Variants in RRAS2 observed in about 807,000 individuals in gnomAD.
The protein encoded by RRAS2 is ras-related protein R-Ras2.
Under a neutral mutation model 27.6 loss-of-function variants are expected in RRAS2, and 7 were observed. The observed-to-expected ratio is 0.25, with a 90% CI of 0.14 to 0.48. The LOEUF (loss-of-function observed/expected upper bound fraction) is 0.48. Among genes scored for constraint, RRAS2 ranks in the 20% least tolerant of loss-of-function variants. RRAS2 has a pLI of 0.99. For missense variants in RRAS2, 178 were observed against 256.2 expected (o/e 0.69, Z 2.08); for synonymous variants, 86 against 90.9 (o/e 0.95, Z 0.31).
At chr11:14,361,295 CA>C (rs879982384), upstream of RRAS2, among the ~76,000 whole-genome samples, 85 of 122,438 alleles carry the variant, frequency 6.9e-4, no homozygotes, top group South Asian at 5.4e-4. Context: ...AGAGCCGTCT[CA>C]AAAAAAAAAA....
intron 1 of RRAS2, among the ~76,000 whole-genome samples, chr11:14,342,463 A>G (rs1279574627): frequency 6.6e-6 from 1 of 152,238 alleles, no homozygotes; most frequent in African/African-American, 2.4e-5. Context: ...TGAAATAGTC[A>G]TAATTACTTC....
chr11:14,334,699 T>TA (rs781802472), intron 1 of RRAS2, among the ~76,000 whole-genome samples: 2,061 of 146,806 alleles, frequency 0.014, 40 homozygotes, highest in African/African-American at 0.046. Flanking sequence ...TAGCGAGTGT[T>TA]AAAAAAAAAA....
chr11:14,346,695 T>C (rs1429949772), intron 1 of RRAS2, among the ~76,000 whole-genome samples: 4 of 152,222 alleles, frequency 2.6e-5, no homozygotes, highest in Non-Finnish European at 5.9e-5. Context: ...TAACAATATA[T>C]TGTACTCTTG....
At chr11:14,340,158 G>A (rs556737203) in intron 1 of RRAS2, among the ~76,000 whole-genome samples, 60 of 137,554 alleles carry the variant, frequency 4.4e-4, no homozygotes, top group Admixed American at 8.5e-4. Flanking sequence ...GAGTGTAGTG[G>A]CGCGACCTCG....
intron 1 of RRAS2, among the ~76,000 whole-genome samples, chr11:14,298,048 T>C (rs1554946916): frequency 2.0e-5 from 3 of 150,464 alleles, no homozygotes; most frequent in African/African-American, 7.3e-5. Context: ...TTGGCACCCA[T>C]GCCACTTCAA....
intron 1 of RRAS2, among the ~76,000 whole-genome samples, chr11:14,315,391 T>C (rs1554949383): frequency 6.6e-6 from 1 of 152,216 alleles, no homozygotes; most frequent in Non-Finnish European, 1.5e-5. Context: ...AGACACATTC[T>C]AATAGAGGGG....
rs1031934481 is a variant in RRAS2 at position 14,348,202 on chromosome 11, A to C, written c.108+10561T>G. Among the ~76,000 whole-genome samples the C allele has an allele frequency of 3.3e-5, 5 of 152,334 alleles. No individual in the cohort carries two copies. In the South Asian group the frequency reaches 8.3e-4, roughly 25 times the overall value. ...TCTCATTAGCATAACAAAGTAAAACAAACTCTGCTCATTATTATTATGTAG... is the reference window on the plus strand; with the variant it reads ...TCTCATTAGCATAACAAAGTAAAACCAACTCTGCTCATTATTATTATGTAG... On this transcript the variant is annotated intron_variant, in intron 1 of 5. Coordinates refer to ENST00000256196, the MANE Select transcript of RRAS2 (RefSeq NM_012250.6).
chr11:14,364,364 C>A (rs1554956476), intron 1 of RRAS2: 1 of 1,535,790 alleles, frequency 6.5e-7, no homozygotes, highest in Admixed American at 2.0e-5. Context: ...AAGGCCAAGC[C>A]CCCAGATCAG....
At chr11:14,300,691 A>G (rs1847675733) in intron 1 of RRAS2, among the ~76,000 whole-genome samples, 1 of 152,228 alleles carries the variant, frequency 6.6e-6, no homozygotes, top group South Asian at 2.1e-4. Flanking sequence ...ACATGCCACT[A>G]GATTGCATAA....
intron 1 of RRAS2, among the ~76,000 whole-genome samples, chr11:14,325,215 T>A (rs782590962): frequency 6.6e-6 from 1 of 152,174 alleles, no homozygotes; most frequent in Non-Finnish European, 1.5e-5. Context: ...ATTGGAGAAG[T>A]TACTTGAATT....
intron 1 of RRAS2, among the ~76,000 whole-genome samples, chr11:14,309,992 C>T (rs1847923264): frequency 6.6e-6 from 1 of 152,082 alleles, no homozygotes; most frequent in African/African-American, 2.4e-5. Flanking sequence ...TACAATAAAT[C>T]ATGAAAAGAA....
intron 1 of RRAS2, among the ~76,000 whole-genome samples, chr11:14,311,610 G>A (rs1184195229): frequency 5.9e-5 from 9 of 151,420 alleles, no homozygotes; most frequent in Non-Finnish European, 8.8e-5. Flanking sequence ...CGGGTGATCC[G>A]CCCACCTCAG....
chr11:14,297,588 C>T (rs546219390), intron 1 of RRAS2, among the ~76,000 whole-genome samples: 4 of 152,096 alleles, frequency 2.6e-5, no homozygotes, highest in East Asian at 3.9e-4. Flanking sequence ...AAGGTGAGAC[C>T]GCATCTCCAC....
intron 1 of RRAS2, among the ~76,000 whole-genome samples, chr11:14,351,297 T>A (rs1382217174): frequency 2.0e-5 from 3 of 152,230 alleles, no homozygotes; most frequent in African/African-American, 7.2e-5. Context: ...ATGAATTGGA[T>A]AATCTGAGAT....
chr11:14,279,268 T>C lies in RRAS2; in HGVS notation c.*69A>G. 8 of 1,104,116 alleles carry C rather than the reference T, an allele frequency of 7.2e-6. No individual in the cohort carries two copies. The South Asian group carries it at 9.9e-5, about 14-fold the overall frequency. 68.4% of individuals were successfully genotyped at this position (1,104,116 alleles called of 1,614,324 possible). On this transcript the variant is annotated 3_prime_UTR_variant, in exon 6 of 6. Coordinates refer to ENST00000256196, the MANE Select transcript of RRAS2 (RefSeq NM_012250.6). Reference sequence around the variant, plus strand: ...TAAGGCTAGAAAGGTACCAACAAGATGTAAACTGAGGAGAGAAAGAGAAGA... The same window carrying C: ...TAAGGCTAGAAAGGTACCAACAAGACGTAAACTGAGGAGAGAAAGAGAAGA...
At chr11:14,288,084 G>T (rs1349578590) in intron 4 of RRAS2, among the ~76,000 whole-genome samples, 1 of 152,110 alleles carries the variant, frequency 6.6e-6, no homozygotes, top group Non-Finnish European at 1.5e-5. Context: ...AGTCTCAGGT[G>T]ACCTTCCCAC....
chr11:14,280,353 T>TC (rs1410079108), intron 5 of RRAS2, among the ~76,000 whole-genome samples: 4 of 152,056 alleles, frequency 2.6e-5, no homozygotes, highest in Non-Finnish European at 5.9e-5. Flanking sequence ...CACTTTTTTT[T>TC]CCTCCACAGA....
At chr11:14,361,484 G>A (rs953591677), upstream of RRAS2, among the ~76,000 whole-genome samples, 7 of 151,564 alleles carry the variant, frequency 4.6e-5, no homozygotes, top group East Asian at 1.9e-4. Context: ...AGCCGAGCTC[G>A]GGGCCACCGC....
intron 1 of RRAS2, among the ~76,000 whole-genome samples, chr11:14,308,783 G>A (rs923145838): frequency 4.6e-5 from 7 of 152,114 alleles, no homozygotes; most frequent in Non-Finnish European, 1.0e-4. Context: ...CACATGAAAT[G>A]TGAACTACTG....
Sources: allele counts gnomAD v4.1 joint callset (sites outside exome capture counted in the v4.1 genomes callset), GRCh38; gene constraint gnomAD v4.1.1; transcripts MANE v1.5; gene names NCBI Gene and HGNC (gene_info 2026-07-23, HGNC 2026-07-21).